UBTF: variants seen among roughly 807,000 people sequenced by gnomAD.
The protein encoded by UBTF is nucleolar transcription factor 1.
Under a neutral mutation model 112.3 loss-of-function variants are expected in UBTF, and 8 were observed. The observed-to-expected ratio is 0.07, with a 90% CI of 0.04 to 0.13. The LOEUF (loss-of-function observed/expected upper bound fraction) is 0.13. UBTF is among the 10% of genes least tolerant of loss of function. The pLI is 1.00. For synonymous variants in UBTF, 417 were observed against 373.1 expected, an observed-to-expected ratio of 1.12 and a Z score of -1.36; for missense variants, 457 against 982.1, an observed-to-expected ratio of 0.47 and a Z score of 7.15.
rs1401882301 is a variant in UBTF at position 44,206,439 on chromosome 17, CTT to C, written c.*801_*802del. Reference sequence around the variant, plus strand: ...ACACACACACACACACACTCACACTCTTTTGCACACATCCACAGCTGCACCCA... The same window carrying C: ...ACACACACACACACACACTCACACTCTTGCACACATCCACAGCTGCACCCA... On this transcript the variant is annotated 3_prime_UTR_variant, in exon 21 of 21. Transcript: ENST00000436088. The C allele has an allele frequency of 3.3e-5, 5 of 151,636 alleles. No homozygotes were observed. Among genetic ancestry groups the C allele is most frequent in the South Asian group, 2.1e-4 (1 of 4,732 alleles). 9.4% of individuals were successfully genotyped at this position (151,636 alleles called of 1,614,324 possible). A position where few individuals can be genotyped will look rare whatever the true frequency, so the allele number is the denominator to read the frequency against.
At chr17:44,209,824 TC>T in intron 15 of UBTF, 91 bp from the exon 16 acceptor site, 1 of 1,371,384 alleles carries the variant, frequency 7.3e-7, no homozygotes, top group Non-Finnish European at 1.0e-6. Flanking sequence ...TAGCTGGCTG[TC>T]TTTTTCTGTG....
chr17:44,218,084 G>A, intron 2 of UBTF, 88 bp downstream of exon 2: 1 of 1,358,324 alleles, frequency 7.4e-7, no homozygotes, highest in Non-Finnish European at 1.1e-6. Context: ...TATGCAGACT[G>A]AAAAAGCCCT....
intron 1 of UBTF, chr17:44,218,530 G>A (rs1213806994): frequency 3.0e-6 from 1 of 331,246 alleles, no homozygotes; most frequent in African/African-American, 2.8e-5. Flanking sequence ...GGCCACGCGA[G>A]GGCCTGCTCC....
rs771785408 is a variant in UBTF at position 44,209,553 on chromosome 17, G to A, written c.1716-12C>T. The A allele has an allele frequency of 3.1e-6, 5 of 1,611,702 alleles. No individual in the cohort carries two copies. The highest frequency in any genetic ancestry group is 2.2e-5 in the East Asian group (1 of 44,834). On this transcript the variant is annotated splice_polypyrimidine_tract_variant and intron_variant, in intron 16 of 20. Coordinates refer to ENST00000436088, the MANE Select transcript of UBTF (RefSeq NM_014233.4). Reference sequence around the variant, plus strand: ...TCTGGTAACCGTTCCTGGGAGGTGGGTTGGTAGAAGGAGGGTCAGGACCCC... The same window carrying A: ...TCTGGTAACCGTTCCTGGGAGGTGGATTGGTAGAAGGAGGGTCAGGACCCC...
chr17:44,212,140 G>C, intron 8 of UBTF, 134 bp from the exon 9 acceptor site: 1 of 766,384 alleles, frequency 1.3e-6, no homozygotes, highest in Non-Finnish European at 2.0e-6. Context: ...TGTCACACGA[G>C]ACGTGGTGCC....
Position 44,207,917 on chromosome 17 carries a change from G to C in UBTF, c.1906-6C>G. ...CGGTCCTGGGGAGACAGGCTCTGGG[G>C]GAGACAGAAGCGGCAAGGGTTGGAA... On this transcript the variant is annotated splice_region_variant and splice_polypyrimidine_tract_variant and intron_variant, in intron 17 of 20. Transcript: ENST00000436088. 1 of 1,613,782 alleles carries C rather than the reference G, an allele frequency of 6.2e-7. No homozygotes were observed. Among genetic ancestry groups the C allele is most frequent in the Non-Finnish European group, 8.5e-7 (1 of 1,179,998 alleles).
rs2056655373 is a variant in UBTF at position 44,211,219 on chromosome 17, G to C, written c.1090-67C>G. ...CAGACTGCATGGTGCCCTATCTCCAGGGGCTCACCAGGGCTCTGCCTGCCA... is the reference window on the plus strand; with the variant it reads ...CAGACTGCATGGTGCCCTATCTCCACGGGCTCACCAGGGCTCTGCCTGCCA... On this transcript the variant is annotated intron_variant, in intron 11 of 20. Coordinates refer to ENST00000436088, the MANE Select transcript of UBTF (RefSeq NM_014233.4). This position sits in a 1 kb window ranked among gnomAD's most constrained non-coding sequence, Gnocchi z 4.9. 1 of 1,613,744 alleles carries C rather than the reference G, an allele frequency of 6.2e-7. No individual in the cohort carries two copies.
Position 44,207,092 on chromosome 17 carries a change from C to T in UBTF, c.*150G>A. ...GCCTGGGCTCCTCCAGCCCCCTACCCCCACCGTATTTTTTTTTTTTTTTAA... is the reference window on the plus strand; with the variant it reads ...GCCTGGGCTCCTCCAGCCCCCTACCTCCACCGTATTTTTTTTTTTTTTTAA... On this transcript the variant is annotated 3_prime_UTR_variant, in exon 21 of 21. Transcript: ENST00000436088. 1 of 874,858 alleles carries T rather than the reference C, an allele frequency of 1.1e-6. No individual in the cohort carries two copies. The highest frequency in any genetic ancestry group is 1.8e-5 in the South Asian group (1 of 56,476). The allele number at this position is 874,858 out of a possible 1,614,324, so 54.2% of individuals were successfully genotyped here. A position where few individuals can be genotyped will look rare whatever the true frequency, so the allele number is the denominator to read the frequency against.
rs751902964 is a variant in UBTF at position 44,210,433 on chromosome 17, G to A, written c.1400C>T (p.Ser467Leu). The change falls in exon 14 of 21, where the codon TCG (serine) becomes TTG (leucine). Residue 467 changes from serine to leucine, a missense_variant. Around this residue, in one of 7 missense-constraint regions of UBTF, gnomAD observed 108 missense variants for 137.4 expected, o/e 0.79. Coordinates refer to ENST00000436088, the MANE Select transcript of UBTF (RefSeq NM_014233.4). ...GCGCTCCCCGCCGGGCTTCCTCTCC[G>A]ACTGAGCCTTGAGCGCCGCCTCTCG... The part of the protein sequence containing the change: ...KAREAALKAQ[S>L]ERKPGGEREE... The A allele has an allele frequency of 2.5e-6, 4 of 1,613,694 alleles. No individual in the cohort carries two copies. The highest frequency in any genetic ancestry group is 3.4e-6 in the Non-Finnish European group (4 of 1,179,982).
intron 17 of UBTF, 95 bp downstream of exon 17, chr17:44,209,257 C>G: frequency 7.6e-7 from 1 of 1,317,486 alleles, no homozygotes; most frequent in Admixed American, 2.5e-5. Context: ...ATGAATGAGA[C>G]CAGCCAGCAC....
At chr17:44,212,688 G>T (rs2056769136) in intron 7 of UBTF, 131 bp downstream of exon 7, 2 of 1,493,924 alleles carry the variant, frequency 1.3e-6, no homozygotes, top group Non-Finnish European at 1.8e-6. Context: ...CCCGGGCCCT[G>T]TCCATGCAGC....
In UBTF at chr17:44,207,895, T is replaced by G. The variant is rs1295199774; in HGVS notation, c.1922A>C (p.Asp641Ala). 1 of 1,613,866 alleles carries G rather than the reference T, an allele frequency of 6.2e-7. No homozygotes were observed. Among genetic ancestry groups the G allele is most frequent in the Admixed American group, 1.7e-5 (1 of 60,000 alleles). The change falls in exon 18 of 21, where the codon GAC (aspartate) becomes GCC (alanine). Residue 641 changes from aspartate (D) to alanine (A), a missense_variant. Physicochemically the swap from Asp to Ala is moderately radical, Grantham distance 126. Around this residue, in one of 7 missense-constraint regions of UBTF, gnomAD observed 77 missense variants for 211.9 expected, o/e 0.36. Transcript: ENST00000436088. ...DLWVKSLSPQDRAAYKEYISN... is the reference protein window; with the variant it reads ...DLWVKSLSPQARAAYKEYISN... The stretch of plus-strand genomic sequence containing the variant: ...GATGTACTCTTTATATGCTGCACGG[T>G]CCTGGGGAGACAGGCTCTGGGGGAG...
chr17:44,213,781 T>C (rs2046701153), intron 5 of UBTF, among the ~76,000 whole-genome samples: 1 of 152,162 alleles, frequency 6.6e-6, no homozygotes. Context: ...TGAGGGGAGA[T>C]TGTGTGGAGG....
chr17:44,207,513 C>T lies in UBTF; in HGVS notation c.2110G>A (p.Glu704Lys). The stretch of plus-strand genomic sequence containing the variant: ...GACTCAGAGGAGTCGCCGCCATCTT[C>T]AGAGGAGTCCCCATTCTCATCATCT... Reference protein sequence around the residue: ...EEDDENGDSSEDGGDSSESSS... With the variant: ...EEDDENGDSSKDGGDSSESSS... Residue 704 changes from glutamate to lysine, a missense_variant, in exon 20 of 21, where the codon GAA becomes AAA. By Grantham distance (56) the Glu-to-Lys change is moderately conservative. This residue lies in a region of UBTF where 139 missense variants were observed against 157.5 expected (regional missense o/e 0.88). Coordinates refer to ENST00000436088, the MANE Select transcript of UBTF (RefSeq NM_014233.4). 6.2e-7 allele frequency: 1 copy of T among 1,614,058 alleles called. No individual in the cohort carries two copies. Among genetic ancestry groups the T allele is most frequent in the South Asian group, 1.1e-5 (1 of 91,086 alleles).
At chr17:44,209,135 C>T (rs1184352860) in intron 17 of UBTF, 19 of 467,082 alleles carry the variant, frequency 4.1e-5, no homozygotes, top group Admixed American at 3.2e-4. Flanking sequence ...CACCACTGTA[C>T]TCCAGCCTGG....
intron 3 of UBTF, chr17:44,216,314 G>T: frequency 1.6e-6 from 1 of 628,290 alleles, no homozygotes; most frequent in Non-Finnish European, 2.8e-6. Flanking sequence ...CAGGCTGTTT[G>T]GCTCAAGACC....
At position 44,211,360 on chromosome 17, in the gene UBTF, T is replaced by C. The variant is rs765170486; in HGVS notation, c.1048-29A>G. 4 of 1,613,546 alleles carry C rather than the reference T, an allele frequency of 2.5e-6. No homozygotes were observed. Among genetic ancestry groups the C allele is most frequent in the South Asian group, 1.1e-5 (1 of 91,010 alleles). ...GGAAAGTGAGTGGAGTCAGGATCAG[T>C]CTGGAGACAGTGTCACCACAGACCC... is the stretch of plus-strand genomic sequence containing the variant. On this transcript the variant is annotated intron_variant, in intron 10 of 20. Transcript: ENST00000436088. This position sits in a 1 kb window ranked among gnomAD's most constrained non-coding sequence, Gnocchi z 4.9.
rs2056622495 is a variant in UBTF at position 44,210,774 on chromosome 17, TC to T, written c.1359+17del. ...GGCAGCCCCCCTGGGGGCACAGCGC[TC>T]CGCCAGGCAGCCTGACCTTCTTCTT... On this transcript the variant is annotated intron_variant, in intron 13 of 20. Coordinates refer to ENST00000436088, the MANE Select transcript of UBTF (RefSeq NM_014233.4). 19 of 1,555,724 alleles carry T rather than the reference TC, an allele frequency of 1.2e-5. No individual in the cohort carries two copies. Among genetic ancestry groups the T allele is most frequent in the Non-Finnish European group, 1.7e-5 (19 of 1,149,340 alleles).
At chr17:44,218,924 G>A (rs549796867) in intron 1 of UBTF, 3 of 151,590 alleles carry the variant, frequency 2.0e-5, no homozygotes, top group Non-Finnish European at 4.4e-5. Flanking sequence ...AGCAGCCGGA[G>A]AGAAGCGGCC....
Sources: gnomAD v4.1 joint callset for allele counts (sites outside exome capture counted in the v4.1 genomes callset) on GRCh38, gnomAD v4.1.1 for gene constraint, gnomAD v4.1.1 regional missense constraint, Gnocchi (gnomAD v3.1) non-coding constraint, MANE v1.5 for transcripts, NCBI Gene and HGNC (gene_info 2026-07-23, HGNC 2026-07-21) for gene names.